MMEL1: variants seen among roughly 807,000 people sequenced by gnomAD.
The protein encoded by MMEL1 is membrane metalloendopeptidase like 1, also known as membrane metallo-endopeptidase-like 1.
A neutral mutation model predicts 117.1 loss-of-function variants in MMEL1; 98 were observed. That is an observed-to-expected ratio of 0.84 (90% confidence interval 0.71 to 0.99). The LOEUF is 0.99. Among genes scored for constraint, MMEL1 ranks in the 50% least tolerant of loss-of-function variants. The probability of loss-of-function intolerance (pLI) is 0.00; values close to 1 mark genes in which losing one functional copy is unlikely to be tolerated. For missense variants in MMEL1, 1,014 were observed against 1,049.1 expected, an observed-to-expected ratio of 0.97 and a Z score of 0.46; for synonymous variants, 390 against 415.1, an observed-to-expected ratio of 0.94 and a Z score of 0.74.
In MMEL1 at chr1:2,629,432, C is replaced by T; in HGVS notation, c.53G>A (p.Gly18Glu). The T allele has an allele frequency of 1.9e-6, 3 of 1,544,908 alleles. No individual in the cohort carries two copies. The South Asian group carries it at 3.6e-5, about 18-fold the overall frequency. Residue 18 changes from glycine (G) to glutamate (E), a missense_variant, in exon 2 of 24, where the codon GGG (glycine) becomes GAG (glutamate). Physicochemically the swap from Gly to Glu is moderately conservative, Grantham distance 98. Transcript: ENST00000378412. Reference sequence around the variant, plus strand: ...CTCCAGGAACCCCGGGCGCTTCTGCCCTGCACGGCCGGCGCTCTCCACCAT... The same window carrying T: ...CTCCAGGAACCCCGGGCGCTTCTGCTCTGCACGGCCGGCGCTCTCCACCAT... ...VGMVESAGRA[G>E]QKRPGFLEGG...
Position 2,594,848 on chromosome 1 carries a change from G to A in MMEL1, c.1630C>T (p.Leu544Phe). ...AGGCTCCGCTGGGCGCCCACCTTGA[G>A]GTTCTGCAGACTGTTCTCAAAGTAC... ...DLYFENSLQN[L>F]KVGAQRSLRK... is the part of the protein sequence containing the mutation. The change falls in exon 17 of 24, where the codon CTC becomes TTC. Residue 544 changes from leucine to phenylalanine, a missense_variant. By Grantham distance (22) the Leu-to-Phe change is conservative. Coordinates refer to ENST00000378412, the MANE Select transcript of MMEL1 (RefSeq NM_033467.4). 1 of 1,614,046 alleles carries A rather than the reference G, an allele frequency of 6.2e-7. No homozygotes were observed. Among genetic ancestry groups the A allele is most frequent in the Non-Finnish European group, 8.5e-7 (1 of 1,179,994 alleles).
rs757240787 is a variant in MMEL1 at position 2,595,977 on chromosome 1, C to T, written c.1500+32G>A. Reference sequence around the variant, plus strand: ...GGTGCTGCCCGTGCCCAGATCCAGTCGGGGCTGCCCTGACCTCTGCGAGCC... The same window carrying T: ...GGTGCTGCCCGTGCCCAGATCCAGTTGGGGCTGCCCTGACCTCTGCGAGCC... On this transcript the variant is annotated intron_variant, in intron 15 of 23. Coordinates refer to ENST00000378412, the MANE Select transcript of MMEL1 (RefSeq NM_033467.4). This position sits in a 1 kb window ranked among gnomAD's most constrained non-coding sequence, Gnocchi z 4.8. 1.0e-5 allele frequency: 16 copies of T among 1,588,634 alleles called. No homozygotes were observed. The highest frequency in any genetic ancestry group is 6.7e-5 in the East Asian group (3 of 44,674).
In MMEL1 at chr1:2,604,195, C is replaced by T. The variant is rs1268238650; in HGVS notation, c.903G>A (p.Val301=). 1.9e-6 allele frequency: 3 copies of T among 1,612,544 alleles called. No homozygotes were observed. The highest frequency in any genetic ancestry group is 2.7e-5 in the African/African-American group (2 of 74,930). ...CCAGCACCTGCACCATGTCCTCCTG[C>T]ACCAGGCAGCTGTCCCTGGGCAGGT... ...DANLPRDSCL[V]QEDMVQVLEL... Residue 301 remains valine (V), a synonymous_variant, in exon 10 of 24, where the codon GTG becomes GTA. Transcript: ENST00000378412.
chr1:2,625,529 C>G (rs1313027918), intron 2 of MMEL1, among the ~76,000 whole-genome samples: 2 of 152,192 alleles, frequency 1.3e-5, no homozygotes, highest in African/African-American at 2.4e-5. Context: ...TTGGCAGGCC[C>G]CTGTGGGTGA....
At chr1:2,607,614 G>A (rs1258738578) in intron 6 of MMEL1, among the ~76,000 whole-genome samples, 1 of 152,186 alleles carries the variant, frequency 6.6e-6, no homozygotes, top group East Asian at 1.9e-4. Context: ...GATAGTCACT[G>A]TGGGAATAAG....
chr1:2,594,766 T>G, intron 17 of MMEL1, 24 bp downstream of exon 17: 3 of 1,442,540 alleles, frequency 2.1e-6, no homozygotes, highest in African/African-American at 1.4e-5. Flanking sequence ...CCCCCGCCCA[T>G]GCCGCACCAG....
intron 1 of MMEL1, among the ~76,000 whole-genome samples, chr1:2,630,528 G>A (rs1215136028): frequency 7.3e-5 from 11 of 150,732 alleles, no homozygotes; most frequent in South Asian, 4.2e-4. Context: ...GCATGATTGC[G>A]TGGATATGCA....
In MMEL1 at chr1:2,629,363, A is replaced by G; in HGVS notation, c.122T>C (p.Val41Ala). The stretch of plus-strand genomic sequence containing the variant: ...GTCGGCGTAGAGGACACCCAAGGCC[A>G]CCAGGGCAGCGGTCACCAGCAGCAG... ...LLLLLVTAAL[V>A]ALGVLYADRR... Residue 41 changes from valine to alanine, a missense_variant, in exon 2 of 24, where the codon GTG (valine) becomes GCG (alanine). Transcript: ENST00000378412. 1 of 1,543,708 alleles carries G rather than the reference A, an allele frequency of 6.5e-7. No homozygotes were observed. Among genetic ancestry groups the G allele is most frequent in the Non-Finnish European group, 8.7e-7 (1 of 1,146,052 alleles).
At chr1:2,611,437 T>C in intron 3 of MMEL1, 97 bp from the exon 4 acceptor site, 1 of 80,936 alleles carries the variant, frequency 1.2e-5, no homozygotes, top group Non-Finnish European at 1.9e-5. Flanking sequence ...GGGTGTGGCA[T>C]GGGGATGGGC....
chr1:2,594,358 G>A (rs1644796183), intron 18 of MMEL1, 27 bp downstream of exon 18: 2 of 1,550,118 alleles, frequency 1.3e-6, no homozygotes, highest in African/African-American at 1.4e-5. Flanking sequence ...AAAGGGCCTG[G>A]GCAGGCAGGG....
At chr1:2,605,088 T>G (rs1644999937) in intron 9 of MMEL1, among the ~76,000 whole-genome samples, 2 of 152,046 alleles carry the variant, frequency 1.3e-5, no homozygotes, top group Admixed American at 6.5e-5. Flanking sequence ...TCCCTGTCCT[T>G]CCCCACCCTT....
At chr1:2,613,498 C>T (rs572677497) in intron 2 of MMEL1, among the ~76,000 whole-genome samples, 1 of 152,152 alleles carries the variant, frequency 6.6e-6, no homozygotes, top group Admixed American at 6.5e-5. Context: ...TTGAAATTGA[C>T]TGTGGCCCCC....
intron 18 of MMEL1, 66 bp downstream of exon 18, chr1:2,594,319 C>T: frequency 1.3e-6 from 2 of 1,492,760 alleles, no homozygotes; most frequent in East Asian, 4.9e-5. Context: ...GGGCAGGGGG[C>T]TGCAAGCCAC....
Position 2,620,587 on chromosome 1 carries a change from G to A in MMEL1, c.155-8383C>T, listed in dbSNP as rs1645274620. On this transcript the variant is annotated intron_variant, in intron 2 of 23. Transcript: ENST00000378412. ...ACTATTTGGGGATAGGGCCTGTGAGGAGGTTTAAAATCAGCTCAATGGGCA... is the reference window on the plus strand; with the variant it reads ...ACTATTTGGGGATAGGGCCTGTGAGAAGGTTTAAAATCAGCTCAATGGGCA... Among the ~76,000 whole-genome samples the A allele has an allele frequency of 2.0e-5, 3 of 152,034 alleles. No homozygotes were observed. The South Asian group carries it at 6.2e-4, about 32-fold the overall frequency.
intron 3 of MMEL1, among the ~76,000 whole-genome samples, chr1:2,611,688 G>C (rs1188449388): frequency 6.6e-6 from 1 of 152,152 alleles, no homozygotes; most frequent in African/African-American, 2.4e-5. Flanking sequence ...GGACCTGGGA[G>C]CCCCTTTACA....
At chr1:2,594,723 G>T in intron 17 of MMEL1, 67 bp downstream of exon 17, 3 of 1,365,408 alleles carry the variant, frequency 2.2e-6, no homozygotes, top group Non-Finnish European at 3.1e-6. Flanking sequence ...CTGGCAGGCA[G>T]CCCTGCACGC....
At chr1:2,610,977 G>A (rs944942780) in intron 4 of MMEL1, among the ~76,000 whole-genome samples, 1 of 152,262 alleles carries the variant, frequency 6.6e-6, no homozygotes, top group African/African-American at 2.4e-5. Context: ...AAATAAGAAA[G>A]TGGCTATTCA....
chr1:2,628,299 C>A lies in MMEL1; in HGVS notation c.154+1032G>T, dbSNP rs28427290. ...CCAGCCATGCAGCCCCGGGCCGGGA[C>A]GCCCTGCACATCCACAGGCAGCACC... is the stretch of plus-strand genomic sequence containing the variant. On this transcript the variant is annotated intron_variant, in intron 2 of 23. Coordinates refer to ENST00000378412, the MANE Select transcript of MMEL1 (RefSeq NM_033467.4). Among the ~76,000 whole-genome samples the A allele has an allele frequency of 2.2e-3, 341 of 152,352 alleles. 2 individuals are homozygous for A. Among genetic ancestry groups the A allele is most frequent in the African/African-American group, 7.8e-3 (325 of 41,582 alleles).
At chr1:2,629,596 G>T in intron 1 of MMEL1, 75 bp from the exon 2 acceptor site, 1 of 1,319,246 alleles carries the variant, frequency 7.6e-7, no homozygotes, top group Non-Finnish European at 9.9e-7. Flanking sequence ...GGAAGGGCCG[G>T]ATGCTGGCTG....
Sources: allele counts gnomAD v4.1 joint callset (sites outside exome capture counted in the v4.1 genomes callset), GRCh38; gene constraint gnomAD v4.1.1; non-coding constraint Gnocchi (gnomAD v3.1); transcripts MANE v1.5; gene names NCBI Gene and HGNC (gene_info 2026-07-23, HGNC 2026-07-21).